Variants in SHB observed in about 807,000 individuals in gnomAD.
SHB encodes SH2 domain containing adaptor protein B, also known as SH2 domain-containing adapter protein B.
A neutral mutation model predicts 52.3 loss-of-function variants in SHB; 20 were observed. That is an observed-to-expected ratio of 0.38 (90% CI 0.27 to 0.56). The LOEUF (loss-of-function observed/expected upper bound fraction) is 0.56. Ranked by LOEUF, SHB falls within the 20% of genes least tolerant of loss-of-function variation. The probability of loss-of-function intolerance (pLI) is 0.71; values close to 1 mark genes in which losing one functional copy is unlikely to be tolerated. For missense variants in SHB, 825 were observed against 723.3 expected, an observed-to-expected ratio of 1.14 and a Z score of -1.61; for synonymous variants, 397 against 316.5, an observed-to-expected ratio of 1.25 and a Z score of -2.70.
chr9:38,042,162 A>T (rs1310619901), intron 1 of SHB, among the ~76,000 whole-genome samples: 1 of 152,178 alleles, frequency 6.6e-6, no homozygotes, highest in Non-Finnish European at 1.5e-5. Context: ...ATGTTACTTA[A>T]ACCCTCTGTG....
intron 5 of SHB, among the ~76,000 whole-genome samples, chr9:37,945,933 T>C (rs1219262280): frequency 1.2e-4 from 19 of 152,188 alleles, no homozygotes. Context: ...ACAGGACTCC[T>C]ATCCAGAATT....
intron 1 of SHB, among the ~76,000 whole-genome samples, chr9:38,039,404 T>C (rs1419300152): frequency 3.0e-4 from 45 of 152,390 alleles, no homozygotes. Context: ...TTAGCCTGTA[T>C]GTGCTGCTGC....
chr9:38,028,606 T>TG (rs1278887722), intron 1 of SHB, among the ~76,000 whole-genome samples: 2 of 152,196 alleles, frequency 1.3e-5, no homozygotes, highest in African/African-American at 4.8e-5. Flanking sequence ...AGAAGGCCTG[T>TG]GGCACCTCTA....
intron 2 of SHB, among the ~76,000 whole-genome samples, chr9:38,008,594 G>A (rs927012338): frequency 1.3e-5 from 2 of 152,246 alleles, no homozygotes; most frequent in African/African-American, 2.4e-5. Flanking sequence ...TGGAAGTCAG[G>A]AGACTTGCCC....
intron 3 of SHB, among the ~76,000 whole-genome samples, chr9:37,960,908 C>T (rs1427732947): frequency 6.6e-6 from 1 of 152,214 alleles, no homozygotes; most frequent in Admixed American, 6.5e-5. Context: ...CCCAGGACTG[C>T]AGGCCTGCAA....
chr9:37,994,066 G>A (rs1473703558), intron 2 of SHB, among the ~76,000 whole-genome samples: 2 of 152,224 alleles, frequency 1.3e-5, no homozygotes, highest in Non-Finnish European at 2.9e-5. Context: ...TGGAACCATA[G>A]GCGGCTGATT....
intron 5 of SHB, among the ~76,000 whole-genome samples, chr9:37,942,719 G>A (rs1832448426): frequency 6.6e-6 from 1 of 152,222 alleles, no homozygotes; most frequent in South Asian, 2.1e-4. Flanking sequence ...ATGGAAGCAG[G>A]ACTTGGATTC....
At chr9:37,952,226 A>G (rs1832574824) in intron 4 of SHB, among the ~76,000 whole-genome samples, 1 of 152,198 alleles carries the variant, frequency 6.6e-6, no homozygotes, top group Admixed American at 6.5e-5. Context: ...TAAGGCAGTG[A>G]CTGGGGCTGT....
intron 5 of SHB, among the ~76,000 whole-genome samples, chr9:37,941,132 CCAT>C (rs1832429562): frequency 6.6e-6 from 1 of 152,134 alleles, no homozygotes; most frequent in Non-Finnish European, 1.5e-5. Flanking sequence ...AATCTAGAAC[CCAT>C]CATCGTAAAG....
intron 1 of SHB, among the ~76,000 whole-genome samples, chr9:38,033,425 C>A (rs115604579): frequency 0.012 from 1,818 of 152,318 alleles, 35 homozygotes; most frequent in African/African-American, 0.041. Flanking sequence ...AATACCCCAG[C>A]TGGTGCGGTG....
intron 5 of SHB, among the ~76,000 whole-genome samples, chr9:37,937,010 GTCC>G (rs1832379820): frequency 1.3e-5 from 2 of 152,182 alleles, no homozygotes; most frequent in Admixed American, 6.5e-5. Context: ...AACATCTGAA[GTCC>G]TCCTCAACTG....
At chr9:38,025,021 C>T (rs1002930117) in intron 1 of SHB, among the ~76,000 whole-genome samples, 1 of 152,174 alleles carries the variant, frequency 6.6e-6, no homozygotes, top group Non-Finnish European at 1.5e-5. Context: ...AAGTTAATGC[C>T]AGGACCAGGT....
At chr9:37,939,785 A>T (rs1026119656) in intron 5 of SHB, among the ~76,000 whole-genome samples, 2 of 152,206 alleles carry the variant, frequency 1.3e-5, no homozygotes, top group Non-Finnish European at 2.9e-5. Context: ...ACTGTGACGT[A>T]ATGTGAACAC....
chr9:38,043,985 C>G (rs2118148083), intron 1 of SHB, among the ~76,000 whole-genome samples: 1 of 152,378 alleles, frequency 6.6e-6, no homozygotes, highest in East Asian at 1.9e-4. Context: ...GGCCATGGCC[C>G]CTATGCTGGA....
At chr9:37,963,338 A>G (rs867021800) in intron 3 of SHB, among the ~76,000 whole-genome samples, 1 of 152,214 alleles carries the variant, frequency 6.6e-6, no homozygotes. Context: ...AACAGAGGCA[A>G]TAAAGGTTGG....
intron 1 of SHB, among the ~76,000 whole-genome samples, chr9:38,021,084 T>C (rs1353082964): frequency 6.6e-6 from 1 of 152,210 alleles, no homozygotes; most frequent in South Asian, 2.1e-4. Flanking sequence ...ACATCTGTAA[T>C]CCCAGCATTT....
chr9:37,949,706 C>T lies in SHB; in HGVS notation c.1227-952G>A, dbSNP rs541938168. 9.2e-5 allele frequency among the ~76,000 whole-genome samples: 14 copies of T among 152,316 alleles called. No individual in the cohort carries two copies. In the East Asian group the frequency reaches 1.9e-3, roughly 21 times the overall value. Reference sequence around the variant, plus strand: ...TCAGAGGGTGCTGATGGGAGGGCCACGCTCTGACTCAGGGATGTGTGCAGA... The same window carrying T: ...TCAGAGGGTGCTGATGGGAGGGCCATGCTCTGACTCAGGGATGTGTGCAGA... On this transcript the variant is annotated intron_variant, in intron 4 of 5. Coordinates refer to ENST00000377707, the MANE Select transcript of SHB (RefSeq NM_003028.3).
At chr9:37,982,976 C>CA (rs200760673) in intron 2 of SHB, among the ~76,000 whole-genome samples, 2,059 of 150,868 alleles carry the variant, frequency 0.014, 27 homozygotes, top group Middle Eastern at 0.034. Flanking sequence ...CTCTGGTGCC[C>CA]CCCCCTCCAT....
intron 1 of SHB, among the ~76,000 whole-genome samples, chr9:38,028,819 T>C (rs960672137): frequency 8.5e-5 from 13 of 152,246 alleles, no homozygotes; most frequent in Non-Finnish European, 1.6e-4. Context: ...TGTGTTTATA[T>C]CCATAGAAAA....
Sources: gnomAD v4.1 joint callset for allele counts (sites outside exome capture counted in the v4.1 genomes callset) on GRCh38, gnomAD v4.1.1 for gene constraint, MANE v1.5 for transcripts, NCBI Gene and HGNC (gene_info 2026-07-23, HGNC 2026-07-21) for gene names.